Variants in ELF2 observed in about 807,000 individuals in gnomAD.
ELF2 encodes the protein E74 like ETS transcription factor 2, also known as ETS-related transcription factor Elf-2.
ELF2 carries 11 observed loss-of-function variants against 54.8 expected under a neutral mutation model. The observed-to-expected ratio is 0.20, with a 90% CI of 0.13 to 0.33. The LOEUF (loss-of-function observed/expected upper bound fraction) is 0.33. ELF2 is among the 10% of genes least tolerant of loss of function. The pLI is 1.00. For synonymous variants in ELF2, 203 were observed against 245.1 expected, an observed-to-expected ratio of 0.83 and a Z score of 1.61; for missense variants, 513 against 703.0, an observed-to-expected ratio of 0.73 and a Z score of 3.06.
intron 4 of ELF2, chr4:139,084,352 G>C (rs1356764133): frequency 6.6e-7 from 1 of 1,507,518 alleles, no homozygotes; most frequent in East Asian, 2.4e-5. Flanking sequence ...CGCGTCCTCC[G>C]ACAGGAAGCC....
intron 1 of ELF2, among the ~76,000 whole-genome samples, chr4:139,174,009 G>A (rs1377794265): frequency 6.7e-6 from 1 of 150,336 alleles, no homozygotes; most frequent in Non-Finnish European, 1.5e-5. Context: ...GGATCACGAG[G>A]TCAGGAGATC....
chr4:139,084,867 T>C (rs932778373), intron 4 of ELF2, among the ~76,000 whole-genome samples: 1 of 152,220 alleles, frequency 6.6e-6, no homozygotes, highest in Admixed American at 6.5e-5. Context: ...CTAGAACATA[T>C]TCTGAAAGCA....
chr4:139,165,461 G>C (rs985308700), intron 1 of ELF2, among the ~76,000 whole-genome samples: 1 of 151,870 alleles, frequency 6.6e-6, no homozygotes, highest in Non-Finnish European at 1.5e-5. Context: ...GTCAGAGTTC[G>C]AGACCAACCT....
chr4:139,092,398 AT>A (rs1470598184), intron 4 of ELF2, among the ~76,000 whole-genome samples: 23 of 97,666 alleles, frequency 2.4e-4, no homozygotes, highest in East Asian at 2.2e-3. Context: ...ATAACATAAC[AT>A]AACATAACAT....
At chr4:139,137,893 T>C in intron 2 of ELF2, 26 bp from the exon 3 acceptor site, 1 of 1,292,184 alleles carries the variant, frequency 7.7e-7, no homozygotes, top group African/African-American at 1.5e-5. Flanking sequence ...ATTTGAAAAG[T>C]TATTTTAAAA....
intron 4 of ELF2, among the ~76,000 whole-genome samples, chr4:139,090,642 G>A (rs984990302): frequency 3.3e-5 from 5 of 152,014 alleles, no homozygotes; most frequent in Non-Finnish European, 5.9e-5. Flanking sequence ...TCATCCATGC[G>A]GGAGTATAGT....
chr4:139,073,063 T>C, intron 5 of ELF2, among the ~76,000 whole-genome samples: 1 of 152,196 alleles, frequency 6.6e-6, no homozygotes, highest in East Asian at 1.9e-4. Flanking sequence ...CTACCATGTG[T>C]GGTTCTCTGG....
intron 4 of ELF2, chr4:139,084,511 C>G (rs1731746375): frequency 8.6e-6 from 7 of 815,104 alleles, no homozygotes; most frequent in Non-Finnish European, 1.1e-5. Flanking sequence ...TTCCGCCCCG[C>G]GCCCAAACAG....
At chr4:139,084,589 CGGCTCCG>C (rs1731763244) in intron 4 of ELF2, 1 of 232,238 alleles carries the variant, frequency 4.3e-6, no homozygotes, top group Admixed American at 6.4e-5. Flanking sequence ...GGCTGGGAAA[CGGCTCCG>C]GGAGCCGCGC....
intron 1 of ELF2, among the ~76,000 whole-genome samples, chr4:139,165,976 T>C (rs898077713): frequency 5.3e-5 from 8 of 152,244 alleles, no homozygotes; most frequent in African/African-American, 1.7e-4. Flanking sequence ...AATTGCTGAT[T>C]ATAATAAACT....
At chr4:139,162,115 T>A (rs897308534) in intron 1 of ELF2, among the ~76,000 whole-genome samples, 2 of 152,070 alleles carry the variant, frequency 1.3e-5, no homozygotes, top group Non-Finnish European at 2.9e-5. Context: ...TAGCTGGGCA[T>A]GGTGGAGCAT....
chr4:139,174,925 C>T (rs1051238104), intron 1 of ELF2, among the ~76,000 whole-genome samples: 1 of 152,190 alleles, frequency 6.6e-6, no homozygotes, highest in Non-Finnish European at 1.5e-5. Flanking sequence ...AGCAACTATG[C>T]CATTTTATTT....
intron 4 of ELF2, among the ~76,000 whole-genome samples, chr4:139,085,188 A>G (rs78110840): frequency 0.047 from 7,229 of 152,326 alleles, 227 homozygotes; most frequent in Non-Finnish European, 0.066. Context: ...TTTAATGACT[A>G]TAAATTTACT....
chr4:139,121,329 C>A (rs981535849), intron 4 of ELF2, among the ~76,000 whole-genome samples: 3 of 151,254 alleles, frequency 2.0e-5, no homozygotes, highest in African/African-American at 4.9e-5. Flanking sequence ...AGGATGGTCT[C>A]GATCTCCTGA....
At position 139,059,130 on chromosome 4, in the gene ELF2, T is replaced by C; in HGVS notation, c.1635A>G (p.Glu545=). ...CTAGCTGCAAAGTTTTCACATCATG[T>C]TCTTGCTTTTTTGCCACTGCTTCCG... ...VKSEAVAKKQ[E]HDVKTLQLVE... The change falls in exon 10 of 10, where the codon GAA becomes GAG. Residue 545 remains glutamate (E), a synonymous_variant. Transcript: ENST00000686138. 1 of 1,614,000 alleles carries C rather than the reference T, an allele frequency of 6.2e-7. No individual in the cohort carries two copies. The highest frequency in any genetic ancestry group is 8.5e-7 in the Non-Finnish European group (1 of 1,179,868).
At chr4:139,164,181 A>G (rs1201868798) in intron 1 of ELF2, among the ~76,000 whole-genome samples, 3 of 145,098 alleles carry the variant, frequency 2.1e-5, no homozygotes, top group East Asian at 4.4e-4. Context: ...AGAAAGAAAG[A>G]GAGGGAGATG....
intron 4 of ELF2, among the ~76,000 whole-genome samples, chr4:139,082,779 T>C (rs957927850): frequency 2.0e-5 from 3 of 152,110 alleles, no homozygotes; most frequent in Non-Finnish European, 2.9e-5. Context: ...CAATATGAAA[T>C]AGGAACCGGG....
At chr4:139,177,433 C>A (rs1290684939), upstream of ELF2, among the ~76,000 whole-genome samples, 1 of 151,888 alleles carries the variant, frequency 6.6e-6, no homozygotes, top group Non-Finnish European at 1.5e-5. Flanking sequence ...GCTATTTATA[C>A]CCCGCGGGGC....
chr4:139,131,940 G>T (rs1428886656), intron 3 of ELF2, among the ~76,000 whole-genome samples: 1 of 152,154 alleles, frequency 6.6e-6, no homozygotes, highest in East Asian at 1.9e-4. Context: ...ACAAACAAGA[G>T]GGGGTGGAAG....
Sources: gnomAD v4.1 joint callset for allele counts (sites outside exome capture counted in the v4.1 genomes callset) on GRCh38, gnomAD v4.1.1 for gene constraint, MANE v1.5 for transcripts, NCBI Gene and HGNC (gene_info 2026-07-23, HGNC 2026-07-21) for gene names.